The following PLCB1 variants were observed in gnomAD, a reference collection of about 807,000 sequenced individuals.
PLCB1 encodes phospholipase C beta 1.
A neutral mutation model predicts 161.8 loss-of-function variants in PLCB1; 46 were observed. That is an observed-to-expected ratio of 0.28 (90% CI 0.22 to 0.36). The LOEUF (loss-of-function observed/expected upper bound fraction) is 0.36, where lower values mean the gene tolerates loss of function less well. Ranked by LOEUF, PLCB1 falls within the 10% of genes least tolerant of loss-of-function variation. PLCB1 has a pLI of 1.00. For synonymous variants in PLCB1, 517 were observed against 503.7 expected (o/e 1.03, Z -0.35); for missense variants, 1,016 against 1,472.5 (o/e 0.69, Z 5.07).
At chr20:8,320,012 T>TA (rs916153056) in intron 2 of PLCB1, among the ~76,000 whole-genome samples, 31 of 151,936 alleles carry the variant, frequency 2.0e-4, no homozygotes, top group Non-Finnish European at 3.8e-4. Context: ...TAAAATTTTT[T>TA]AAAAAAAGAA....
At chr20:8,789,328 A>G (rs1983638313) in intron 29 of PLCB1, among the ~76,000 whole-genome samples, 190 bp from the exon 30 acceptor site, 1 of 152,206 alleles carries the variant, frequency 6.6e-6, no homozygotes, top group African/African-American at 2.4e-5. Context: ...TCAGTGAGCC[A>G]TGATGGTGCC....
chr20:8,521,082 G>A (rs913862765), intron 3 of PLCB1, among the ~76,000 whole-genome samples: 1 of 152,102 alleles, frequency 6.6e-6, no homozygotes, highest in African/African-American at 2.4e-5. Context: ...TACTCTTGAG[G>A]TGCAAAAAGA....
chr20:8,646,308 A>G (rs1989171666), intron 5 of PLCB1, 127 bp downstream of exon 5: 1 of 677,522 alleles, frequency 1.5e-6, no homozygotes, highest in African/African-American at 1.8e-5. Context: ...TTCCTTTGGG[A>G]TTTATTAGAG....
chr20:8,161,391 C>T (rs964239130), intron 2 of PLCB1, among the ~76,000 whole-genome samples: 3 of 152,112 alleles, frequency 2.0e-5, no homozygotes, highest in Non-Finnish European at 4.4e-5. Context: ...CTATTATCTA[C>T]ATTTAAAAGT....
intron 2 of PLCB1, among the ~76,000 whole-genome samples, chr20:8,231,338 T>C (rs1980023020): frequency 6.6e-6 from 1 of 152,192 alleles, no homozygotes; most frequent in South Asian, 2.1e-4. Flanking sequence ...TCCTAACCTC[T>C]ACTCACTGGA....
intron 3 of PLCB1, among the ~76,000 whole-genome samples, chr20:8,395,041 T>C (rs1568660047): frequency 6.6e-6 from 1 of 152,172 alleles, no homozygotes; most frequent in African/African-American, 2.4e-5. Flanking sequence ...AAATTAAATT[T>C]GACTCTCTTT....
intron 3 of PLCB1, among the ~76,000 whole-genome samples, chr20:8,373,337 G>A (rs749057173): frequency 6.6e-6 from 1 of 152,082 alleles, no homozygotes; most frequent in East Asian, 1.9e-4. Context: ...TACCTGTGTG[G>A]CTTTCCTGAG....
intron 3 of PLCB1, among the ~76,000 whole-genome samples, chr20:8,534,219 T>A (rs1984950643): frequency 6.6e-6 from 1 of 152,216 alleles, no homozygotes; most frequent in South Asian, 2.1e-4. Context: ...ACTCCTAGCC[T>A]CCCCAGCAGC....
At chr20:8,631,691 G>A (rs565019384) in intron 4 of PLCB1, among the ~76,000 whole-genome samples, 2 of 152,148 alleles carry the variant, frequency 1.3e-5, no homozygotes, top group Non-Finnish European at 2.9e-5. Flanking sequence ...CCCCCTTAAT[G>A]GTCATTGTGG....
intron 3 of PLCB1, among the ~76,000 whole-genome samples, chr20:8,608,984 C>G (rs1201114832): frequency 6.6e-6 from 1 of 152,004 alleles, no homozygotes; most frequent in Non-Finnish European, 1.5e-5. Context: ...TTCAATATAC[C>G]CTAGCAAACT....
chr20:8,368,279 G>A (rs1986782242), intron 2 of PLCB1, among the ~76,000 whole-genome samples: 1 of 152,180 alleles, frequency 6.6e-6, no homozygotes, highest in Non-Finnish European at 1.5e-5. Flanking sequence ...TGCAATCCCA[G>A]CACTTTGGGA....
At chr20:8,184,223 T>A (rs2051876965) in intron 2 of PLCB1, among the ~76,000 whole-genome samples, 1 of 152,166 alleles carries the variant, frequency 6.6e-6, no homozygotes, top group Non-Finnish European at 1.5e-5. Flanking sequence ...ATAGGATGCA[T>A]ACTAATTTAA....
chr20:8,276,946 TC>T (rs1298479137), intron 2 of PLCB1, among the ~76,000 whole-genome samples: 1 of 95,732 alleles, frequency 1.0e-5, no homozygotes, highest in Non-Finnish European at 2.2e-5. Flanking sequence ...TTCTTCTTCT[TC>T]TTCTTCTTCT....
intron 23 of PLCB1, among the ~76,000 whole-genome samples, chr20:8,744,271 A>G (rs890267634): frequency 6.6e-6 from 1 of 152,170 alleles, no homozygotes; most frequent in African/African-American, 2.4e-5. Flanking sequence ...AATTACATGT[A>G]TTTTCAGTAT....
intron 3 of PLCB1, among the ~76,000 whole-genome samples, chr20:8,607,449 A>G (rs1250962118): frequency 1.3e-5 from 2 of 152,106 alleles, no homozygotes; most frequent in East Asian, 1.9e-4. Flanking sequence ...CTTTGCCCCA[A>G]CCACCTCATC....
At chr20:8,468,101 A>T (rs1981896997) in intron 3 of PLCB1, among the ~76,000 whole-genome samples, 1 of 152,306 alleles carries the variant, frequency 6.6e-6, no homozygotes. Context: ...TAGGAAATTC[A>T]AGAACAAGCA....
chr20:8,200,666 T>A (rs1391571736), intron 2 of PLCB1, among the ~76,000 whole-genome samples: 1 of 152,018 alleles, frequency 6.6e-6, no homozygotes, highest in Non-Finnish European at 1.5e-5. Context: ...TTGGATTTTC[T>A]ATGTAGAAAA....
At chr20:8,232,717 T>G (rs754743572) in intron 2 of PLCB1, among the ~76,000 whole-genome samples, 22 of 152,212 alleles carry the variant, frequency 1.4e-4, no homozygotes, top group Non-Finnish European at 2.4e-4. Flanking sequence ...TGTTACCTGA[T>G]ATGTCTTTAC....
intron 2 of PLCB1, among the ~76,000 whole-genome samples, chr20:8,215,574 T>A (rs1372960484): frequency 6.6e-6 from 1 of 152,088 alleles, no homozygotes; most frequent in Non-Finnish European, 1.5e-5. Flanking sequence ...CCAGAGAGTA[T>A]GCAATTTGTT....
Sources: gnomAD v4.1 joint callset for allele counts (sites outside exome capture counted in the v4.1 genomes callset) on GRCh38, gnomAD v4.1.1 for gene constraint, MANE v1.5 for transcripts, NCBI Gene and HGNC (gene_info 2026-07-23, HGNC 2026-07-21) for gene names.